C8orf48: variants seen among roughly 807,000 people sequenced by gnomAD.
C8orf48 encodes chromosome 8 open reading frame 48.
For missense variants in C8orf48, 580 were observed against 363.3 expected (o/e 1.60, Z -4.85); for synonymous variants, 188 against 138.2 (o/e 1.36, Z -2.53).
At position 13,567,903 on chromosome 8, in the gene C8orf48, A is replaced by T; in HGVS notation, c.912A>T (p.Arg304=). 1 of 1,551,988 alleles carries T rather than the reference A, an allele frequency of 6.4e-7. No homozygotes were observed. Among genetic ancestry groups the T allele is most frequent in the Non-Finnish European group, 8.7e-7 (1 of 1,146,970 alleles). ...HLPFSLPFLK[R]LTLIKPELVI... ...CATTTTCTCTGCCATTTCTCAAGCG[A>T]CTTACTCTAATCAAACCAGAGCTGG... The change falls in exon 1 of 1, where the codon CGA becomes CGT. Residue 304 remains arginine (R), a synonymous_variant. Coordinates refer to ENST00000297324, the MANE Select transcript of C8orf48 (RefSeq NM_001007090.3).
rs1439547544 is a variant in C8orf48, at chr8:13,567,762, C to A, written c.771C>A (p.Asp257Glu). 1.3e-6 allele frequency: 2 copies of A among 1,551,952 alleles called. No homozygotes were observed. The change falls in exon 1 of 1, where the codon GAC becomes GAA. Residue 257 changes from aspartate to glutamate, a missense_variant. Transcript: ENST00000297324. ...AAGACTTTCCCAGGCTTTCAGATGA[C>A]CCCAGAATAATCTGGAAAAGACTGA... ...AHQDFPRLSD[D>E]PRIIWKRLTE...
Position 13,567,539 on chromosome 8 carries a change from C to T in C8orf48, c.548C>T (p.Thr183Ile). The change falls in exon 1 of 1, where the codon ACA becomes ATA. Residue 183 changes from threonine (T) to isoleucine (I), a missense_variant. By Grantham distance (89) the Thr-to-Ile change is moderately conservative. Transcript: ENST00000297324. ...LNRIYFKNMR[T>I]TPKQEAAAKQ... ...AGAATCTACTTTAAAAACATGAGGA[C>T]AACGCCAAAACAGGAGGCAGCAGCT... The T allele has an allele frequency of 6.4e-7, 1 of 1,551,748 alleles. No homozygotes were observed. The highest frequency in any genetic ancestry group is 8.7e-7 in the Non-Finnish European group (1 of 1,147,040).
At position 13,567,920 on chromosome 8, in the gene C8orf48, C is replaced by T. The variant is rs745996247; in HGVS notation, c.929C>T (p.Pro310Leu). 2.6e-6 allele frequency: 4 copies of T among 1,550,842 alleles called. No homozygotes were observed. The highest frequency in any genetic ancestry group is 3.5e-6 in the Non-Finnish European group (4 of 1,146,500). Residue 310 changes from proline (P) to leucine (L), a missense_variant, in exon 1 of 1, where the codon CCA (proline) becomes CTA (leucine). Pro to Leu is a moderately conservative substitution (Grantham distance 98). Coordinates refer to ENST00000297324, the MANE Select transcript of C8orf48 (RefSeq NM_001007090.3). The part of the protein sequence containing the change: ...PFLKRLTLIK[P>L]ELVIVNDNV The stretch of plus-strand genomic sequence containing the variant: ...CTCAAGCGACTTACTCTAATCAAAC[C>T]AGAGCTGGTGATTGTTAATGATAAT...
At position 13,566,905 on chromosome 8, in the gene C8orf48, A is replaced by T. The variant is rs1374874529; in HGVS notation, c.-87A>T. 3 of 1,438,964 alleles carry T rather than the reference A, an allele frequency of 2.1e-6. No homozygotes were observed. In the Admixed American group the frequency reaches 8.6e-5, roughly 41 times the overall value. The allele number at this position is 1,438,964 out of a possible 1,614,324, so 89.1% of individuals were successfully genotyped here. A position where few individuals can be genotyped will look rare whatever the true frequency, so the allele number is the denominator to read the frequency against. ...CGCAGAGCTGATGGCATTGAGATCC[A>T]TTCCCGGAGGGGTCAGCTCCTGACG... On this transcript the variant is annotated 5_prime_UTR_variant, in exon 1 of 1. Coordinates refer to ENST00000297324, the MANE Select transcript of C8orf48 (RefSeq NM_001007090.3).
At position 13,566,924 on chromosome 8, in the gene C8orf48, C is replaced by G; in HGVS notation, c.-68C>G. On this transcript the variant is annotated 5_prime_UTR_variant, in exon 1 of 1. Coordinates refer to ENST00000297324, the MANE Select transcript of C8orf48 (RefSeq NM_001007090.3). ...AGATCCATTCCCGGAGGGGTCAGCT[C>G]CTGACGGGTTCCTGAGCCAGTCTTA... 3.4e-6 allele frequency: 5 copies of G among 1,464,498 alleles called. No homozygotes were observed. Among genetic ancestry groups the G allele is most frequent in the Non-Finnish European group, 3.6e-6 (4 of 1,106,140 alleles). The allele number at this position is 1,464,498 out of a possible 1,614,324, so 90.7% of individuals were successfully genotyped here.
Position 13,567,678 on chromosome 8 carries a change from G to A in C8orf48, c.687G>A (p.Glu229=). Residue 229 remains glutamate, a synonymous_variant, in exon 1 of 1, where the codon GAG becomes GAA. Coordinates refer to ENST00000297324, the MANE Select transcript of C8orf48 (RefSeq NM_001007090.3). ...TACTGGAGTCATTTCTACTCCAAGA[G>A]AGAATAGATGAACATCTTCATACCA... ...KTLLESFLLQ[E]RIDEHLHTKD... is the part of the protein sequence containing the mutation. The A allele has an allele frequency of 6.4e-7, 1 of 1,551,916 alleles. No individual in the cohort carries two copies. Among genetic ancestry groups the A allele is most frequent in the South Asian group, 1.2e-5 (1 of 84,064 alleles).
rs566976024 is a variant in C8orf48, at chr8:13,566,932, G to A, written c.-60G>A. On this transcript the variant is annotated 5_prime_UTR_variant, in exon 1 of 1. Transcript: ENST00000297324. ...TCCCGGAGGGGTCAGCTCCTGACGGGTTCCTGAGCCAGTCTTAACCTGGGC... is the reference window on the plus strand; with the variant it reads ...TCCCGGAGGGGTCAGCTCCTGACGGATTCCTGAGCCAGTCTTAACCTGGGC... The A allele has an allele frequency of 4.1e-6, 6 of 1,470,746 alleles. No homozygotes were observed. In the African/African-American group the frequency reaches 7.1e-5, roughly 17 times the overall value. The allele number at this position is 1,470,746 out of a possible 1,614,324, so 91.1% of individuals were successfully genotyped here.
rs1804507811 is a variant in C8orf48 at position 13,567,862 on chromosome 8, A to G, written c.871A>G (p.Ser291Gly). ...GCAGAAGTTGCAGCGAGATGGAAAT[A>G]GTGCTTGTCATTTACCATTTTCTCT... ...TEQKLQRDGN[S>G]ACHLPFSLPF... Residue 291 changes from serine to glycine, a missense_variant, in exon 1 of 1, where the codon AGT (serine) becomes GGT (glycine). Transcript: ENST00000297324. 10 of 1,551,886 alleles carry G rather than the reference A, an allele frequency of 6.4e-6. No individual in the cohort carries two copies. The highest frequency in any genetic ancestry group is 8.7e-6 in the Non-Finnish European group (10 of 1,147,008).
In C8orf48 at chr8:13,566,969, G is replaced by C. The variant is rs1186501009; in HGVS notation, c.-23G>C. The C allele has an allele frequency of 1.3e-6, 2 of 1,522,326 alleles. No homozygotes were observed. Among genetic ancestry groups the C allele is most frequent in the Non-Finnish European group, 1.8e-6 (2 of 1,132,402 alleles). The allele number at this position is 1,522,326 out of a possible 1,614,324, so 94.3% of individuals were successfully genotyped here. On this transcript the variant is annotated 5_prime_UTR_variant, in exon 1 of 1. Coordinates refer to ENST00000297324, the MANE Select transcript of C8orf48 (RefSeq NM_001007090.3). ...GTCTTAACCTGGGCAAAGGAGATGA[G>C]GAGCCGAGCCTGATGCATTGTGATG...
rs1182096098 is a variant in C8orf48, at chr8:13,567,454, G to A, written c.463G>A (p.Asp155Asn). ...SRHKKLHLGL[D>N]VEASERDAFS... is the part of the protein sequence containing the mutation. ...ACATAAAAAGCTGCATCTTGGATTG[G>A]ATGTAGAGGCTTCAGAGAGAGATGC... Residue 155 changes from aspartate (D) to asparagine (N), a missense_variant, in exon 1 of 1, where the codon GAT becomes AAT. Transcript: ENST00000297324. 3 of 1,552,102 alleles carry A rather than the reference G, an allele frequency of 1.9e-6. No homozygotes were observed. The highest frequency in any genetic ancestry group is 2.6e-6 in the Non-Finnish European group (3 of 1,147,080).
rs1369392836 is a variant in C8orf48 at position 13,567,121 on chromosome 8, C to A, written c.130C>A (p.Arg44=). The change falls in exon 1 of 1, where the codon CGG becomes AGG. Residue 44 remains arginine (R), a synonymous_variant. Transcript: ENST00000297324. ...TSSSFSSSGG[R]QSSPLTSGSK... ...CAGCTCATTCAGCTCCTCTGGAGGA[C>A]GGCAGTCCTCGCCCCTGACCTCTGG... 11 of 1,551,748 alleles carry A rather than the reference C, an allele frequency of 7.1e-6. No individual in the cohort carries two copies. Among genetic ancestry groups the A allele is most frequent in the Non-Finnish European group, 9.6e-6 (11 of 1,147,014 alleles).
At position 13,567,544 on chromosome 8, in the gene C8orf48, C is replaced by T; in HGVS notation, c.553C>T (p.Pro185Ser). ...RIYFKNMRTT[P>S]KQEAAAKQHI... ...CTACTTTAAAAACATGAGGACAACG[C>T]CAAAACAGGAGGCAGCAGCTAAGCA... Residue 185 changes from proline (P) to serine (S), a missense_variant, in exon 1 of 1, where the codon CCA becomes TCA. By Grantham distance (74) the Pro-to-Ser change is moderately conservative (BLOSUM62 -1). Transcript: ENST00000297324. 6.4e-7 allele frequency: 1 copy of T among 1,551,710 alleles called. No homozygotes were observed.
In C8orf48 at chr8:13,567,199, C is replaced by A; in HGVS notation, c.208C>A (p.Gln70Lys). 1 of 1,551,756 alleles carries A rather than the reference C, an allele frequency of 6.4e-7. No homozygotes were observed. Among genetic ancestry groups the A allele is most frequent in the Non-Finnish European group, 8.7e-7 (1 of 1,146,994 alleles). Residue 70 changes from glutamine (Q) to lysine (K), a missense_variant, in exon 1 of 1, where the codon CAA becomes AAA. Transcript: ENST00000297324. ...TCCAAGCTTGGAACAAGGAGACACA[C>A]AATCTGAGCTTTTGGACTATAAAAA... Reference protein sequence around the residue: ...QTPSLEQGDTQSELLDYKNYE... With the variant: ...QTPSLEQGDTKSELLDYKNYE...
In C8orf48 at chr8:13,567,893, T is replaced by C. The variant is rs758451818; in HGVS notation, c.902T>C (p.Phe301Ser). The C allele has an allele frequency of 6.1e-5, 94 of 1,551,978 alleles. No individual in the cohort carries two copies. The highest frequency in any genetic ancestry group is 8.0e-5 in the Non-Finnish European group (92 of 1,147,056). ...TGTCATTTACCATTTTCTCTGCCAT[T>C]TCTCAAGCGACTTACTCTAATCAAA... The part of the protein sequence containing the change: ...SACHLPFSLP[F>S]LKRLTLIKPE... Residue 301 changes from phenylalanine (F) to serine (S), a missense_variant, in exon 1 of 1, where the codon TTT (phenylalanine) becomes TCT (serine). Transcript: ENST00000297324.
rs1464251990 is a variant in C8orf48, at chr8:13,566,956, G to C, written c.-36G>C. 6.6e-7 allele frequency: 1 copy of C among 1,508,960 alleles called. No homozygotes were observed. The highest frequency in any genetic ancestry group is 8.9e-7 in the Non-Finnish European group (1 of 1,126,372). 93.5% of individuals were successfully genotyped at this position (1,508,960 alleles called of 1,614,324 possible). The stretch of plus-strand genomic sequence containing the variant: ...GGTTCCTGAGCCAGTCTTAACCTGG[G>C]CAAAGGAGATGAGGAGCCGAGCCTG... On this transcript the variant is annotated 5_prime_UTR_variant, in exon 1 of 1. Coordinates refer to ENST00000297324, the MANE Select transcript of C8orf48 (RefSeq NM_001007090.3).
Position 13,567,932 on chromosome 8 carries a change from T to A in C8orf48, c.941T>A (p.Ile314Asn). Residue 314 changes from isoleucine (I) to asparagine (N), a missense_variant, in exon 1 of 1, where the codon ATT (isoleucine) becomes AAT (asparagine). Transcript: ENST00000297324. ...RLTLIKPELV[I>N]VNDNV ...ACTCTAATCAAACCAGAGCTGGTGATTGTTAATGATAATGTGTAATGTGGA... is the reference window on the plus strand; with the variant it reads ...ACTCTAATCAAACCAGAGCTGGTGAATGTTAATGATAATGTGTAATGTGGA... The A allele has an allele frequency of 3.2e-6, 5 of 1,548,528 alleles. No individual in the cohort carries two copies. The highest frequency in any genetic ancestry group is 4.4e-6 in the Non-Finnish European group (5 of 1,145,532).
In C8orf48 at chr8:13,567,181, T is replaced by C. The variant is rs1804469534; in HGVS notation, c.190T>C (p.Leu64=). The C allele has an allele frequency of 2.6e-6, 4 of 1,551,740 alleles. No individual in the cohort carries two copies. The highest frequency in any genetic ancestry group is 2.6e-6 in the Non-Finnish European group (3 of 1,146,994). Residue 64 remains leucine (L), a synonymous_variant, in exon 1 of 1, where the codon TTG becomes CTG. Coordinates refer to ENST00000297324, the MANE Select transcript of C8orf48 (RefSeq NM_001007090.3). ...KLEREKQTPS[L]EQGDTQSELL... is the part of the protein sequence containing the mutation. ...GGAGAGGGAAAAGCAGACTCCAAGC[T>C]TGGAACAAGGAGACACACAATCTGA... is the stretch of plus-strand genomic sequence containing the variant.
rs905749996 is a variant in C8orf48 at position 13,566,877 on chromosome 8, C to G, written c.-115C>G. The G allele has an allele frequency of 3.1e-5, 41 of 1,316,750 alleles. No individual in the cohort carries two copies. In the African/African-American group the frequency reaches 5.5e-4, roughly 18 times the overall value. The allele number at this position is 1,316,750 out of a possible 1,614,324, so 81.6% of individuals were successfully genotyped here. A position where few individuals can be genotyped will look rare whatever the true frequency, so the allele number is the denominator to read the frequency against. On this transcript the variant is annotated 5_prime_UTR_variant, in exon 1 of 1. Coordinates refer to ENST00000297324, the MANE Select transcript of C8orf48 (RefSeq NM_001007090.3). ...GGGAAGGCGTCTCCCGGAAGACGACCTCCGCAGAGCTGATGGCATTGAGAT... is the reference window on the plus strand; with the variant it reads ...GGGAAGGCGTCTCCCGGAAGACGACGTCCGCAGAGCTGATGGCATTGAGAT...
Position 13,567,928 on chromosome 8 carries a change from G to T in C8orf48, c.937G>T (p.Val313Leu), listed in dbSNP as rs185450144. 17 of 1,549,466 alleles carry T rather than the reference G, an allele frequency of 1.1e-5. No individual in the cohort carries two copies. Among genetic ancestry groups the T allele is most frequent in the Non-Finnish European group, 1.4e-5 (16 of 1,145,940 alleles). Residue 313 changes from valine (V) to leucine (L), a missense_variant, in exon 1 of 1, where the codon GTG becomes TTG. Physicochemically the swap from Val to Leu is conservative, Grantham distance 32. Transcript: ENST00000297324. ...ACTTACTCTAATCAAACCAGAGCTG[G>T]TGATTGTTAATGATAATGTGTAATG... is the stretch of plus-strand genomic sequence containing the variant. ...KRLTLIKPELVIVNDNV is the reference protein window; with the variant it reads ...KRLTLIKPELLIVNDNV
Sources: gnomAD v4.1 joint callset for allele counts on GRCh38, gnomAD v4.1.1 for gene constraint, MANE v1.5 for transcripts, NCBI Gene and HGNC (gene_info 2026-07-23, HGNC 2026-07-21) for gene names.